PDE7B: variants seen among roughly 807,000 people sequenced by gnomAD.
PDE7B encodes 3',5'-cyclic-AMP phosphodiesterase 7B.
PDE7B carries 29 observed loss-of-function variants against 56.2 expected under a neutral mutation model. The ratio of observed to expected loss-of-function variants is 0.52; its 90% confidence interval spans 0.38 to 0.70. The LOEUF is 0.70. Ranked by LOEUF, PDE7B falls within the 30% of genes least tolerant of loss-of-function variation. The probability of loss-of-function intolerance (pLI) is 0.00; values close to 1 mark genes in which losing one functional copy is unlikely to be tolerated. For missense variants in PDE7B, 490 were observed against 565.0 expected, an observed-to-expected ratio of 0.87 and a Z score of 1.35; for synonymous variants, 197 against 196.9, an observed-to-expected ratio of 1.00 and a Z score of 0.00.
intron 3 of PDE7B, among the ~76,000 whole-genome samples, chr6:136,138,310 A>G (rs1344313452): frequency 2.0e-5 from 3 of 152,136 alleles, no homozygotes; most frequent in African/African-American, 7.2e-5. Context: ...TCAGATCTTT[A>G]TCAATAATTG....
At chr6:136,003,933 C>T (rs1775723076) in intron 2 of PDE7B, among the ~76,000 whole-genome samples, 1 of 152,094 alleles carries the variant, frequency 6.6e-6, no homozygotes, top group African/African-American at 2.4e-5. Flanking sequence ...CCTTGATGAA[C>T]ATTGATGCAA....
At chr6:136,038,004 C>G in intron 2 of PDE7B, 2 of 1,287,538 alleles carry the variant, frequency 1.6e-6, no homozygotes, top group Non-Finnish European at 2.0e-6. Flanking sequence ...GGAAGGAGTA[C>G]AGTAACAGTT....
chr6:136,055,937 A>G (rs1375858895), intron 2 of PDE7B, among the ~76,000 whole-genome samples: 3 of 152,212 alleles, frequency 2.0e-5, no homozygotes, highest in Admixed American at 1.3e-4. Flanking sequence ...CTGCAAGATA[A>G]GGAAGGAGAA....
intron 1 of PDE7B, among the ~76,000 whole-genome samples, chr6:135,935,190 TTATATATATATA>T (rs60829896): frequency 1.4e-4 from 5 of 36,190 alleles, no homozygotes; most frequent in African/African-American, 4.8e-4. Context: ...ATATATTTAT[TTATATATATATA>T]TATATATATA....
At chr6:135,997,115 A>G (rs1583818347) in intron 2 of PDE7B, among the ~76,000 whole-genome samples, 1 of 151,756 alleles carries the variant, frequency 6.6e-6, no homozygotes, top group South Asian at 2.1e-4. Flanking sequence ...TTTATTGACC[A>G]TGTGGTAATT....
At chr6:136,003,477 A>T (rs1337287730) in intron 2 of PDE7B, among the ~76,000 whole-genome samples, 2 of 152,256 alleles carry the variant, frequency 1.3e-5, no homozygotes, top group African/African-American at 2.4e-5. Flanking sequence ...AGAAGAAAAG[A>T]GAAAAGAATC....
At chr6:135,934,371 ATTTTATTTATTTAT>A (rs1241969774) in intron 1 of PDE7B, among the ~76,000 whole-genome samples, 1 of 152,044 alleles carries the variant, frequency 6.6e-6, no homozygotes, top group Non-Finnish European at 1.5e-5. Context: ...TTTAAAACAA[ATTTTATTTATTTAT>A]TTAATTTTGG....
intron 3 of PDE7B, among the ~76,000 whole-genome samples, chr6:136,119,524 G>T (rs897602162): frequency 6.6e-6 from 1 of 152,154 alleles, no homozygotes; most frequent in Non-Finnish European, 1.5e-5. Context: ...TGGAAAATTG[G>T]TTGGAAATTG....
chr6:136,117,677 T>C (rs1777862772), intron 3 of PDE7B, among the ~76,000 whole-genome samples: 1 of 152,178 alleles, frequency 6.6e-6, no homozygotes, highest in African/African-American at 2.4e-5. Flanking sequence ...ATAACAGCTC[T>C]AGTCTGAGAG....
Position 136,162,967 on chromosome 6 carries a change from T to C in PDE7B, c.711+7209T>C, listed in dbSNP as rs549498585. Among the ~76,000 whole-genome samples, 8 of 152,324 alleles carry C rather than the reference T, an allele frequency of 5.3e-5. No homozygotes were observed. In the South Asian group the frequency reaches 1.7e-3, roughly 32 times the overall value. On this transcript the variant is annotated intron_variant, in intron 8 of 12. Coordinates refer to ENST00000308191, the MANE Select transcript of PDE7B (RefSeq NM_018945.4). Reference sequence around the variant, plus strand: ...TGTGGCCTTGCAGGGTACAACCCCCTTCCCAGCTGCTTTCATGGGATGGCA... The same window carrying C: ...TGTGGCCTTGCAGGGTACAACCCCCCTCCCAGCTGCTTTCATGGGATGGCA...
intron 2 of PDE7B, among the ~76,000 whole-genome samples, chr6:136,041,604 C>A (rs572124662): frequency 6.6e-6 from 1 of 152,326 alleles, no homozygotes; most frequent in Non-Finnish European, 1.5e-5. Flanking sequence ...TAGATCTGTG[C>A]ATCTGGGAGT....
intron 2 of PDE7B, among the ~76,000 whole-genome samples, chr6:136,071,721 A>T (rs1282338502): frequency 1.3e-5 from 2 of 152,184 alleles, no homozygotes; most frequent in Non-Finnish European, 2.9e-5. Flanking sequence ...TGAGGCCAAA[A>T]GTTCGAGGCT....
intron 1 of PDE7B, among the ~76,000 whole-genome samples, chr6:135,899,731 A>G (rs1391699064): frequency 6.6e-6 from 1 of 151,976 alleles, no homozygotes; most frequent in Non-Finnish European, 1.5e-5. Flanking sequence ...AATTTTGTTT[A>G]TGGTAGTCTT....
intron 1 of PDE7B, among the ~76,000 whole-genome samples, chr6:135,901,328 A>G (rs1449329773): frequency 1.3e-5 from 2 of 152,142 alleles, no homozygotes; most frequent in African/African-American, 4.8e-5. Context: ...TCTATTCACT[A>G]TTGACTATAG....
intron 3 of PDE7B, among the ~76,000 whole-genome samples, chr6:136,126,122 C>A (rs1778019739): frequency 6.6e-6 from 1 of 152,184 alleles, no homozygotes; most frequent in Non-Finnish European, 1.5e-5. Context: ...CACCCACATG[C>A]AGAATCCCTG....
rs541311430 is a variant in PDE7B at position 136,099,331 on chromosome 6, G to A, written c.83-9400G>A. Among the ~76,000 whole-genome samples, 28 of 152,296 alleles carry A rather than the reference G, an allele frequency of 1.8e-4. No individual in the cohort carries two copies. The South Asian group carries it at 2.1e-3, about 11-fold the overall frequency. On this transcript the variant is annotated intron_variant, in intron 2 of 12. Coordinates refer to ENST00000308191, the MANE Select transcript of PDE7B (RefSeq NM_018945.4). Reference sequence around the variant, plus strand: ...GGGTCAAATGGTATTTCTAGTTCTAGATCCTTGAGGAATCGCCACACTGTC... The same window carrying A: ...GGGTCAAATGGTATTTCTAGTTCTAAATCCTTGAGGAATCGCCACACTGTC...
At chr6:135,957,344 A>T (rs1774815819) in intron 2 of PDE7B, among the ~76,000 whole-genome samples, 1 of 152,194 alleles carries the variant, frequency 6.6e-6, no homozygotes, top group South Asian at 2.1e-4. Context: ...AATGTGGAGC[A>T]GTTTTGAGGA....
intron 1 of PDE7B, among the ~76,000 whole-genome samples, chr6:135,878,133 G>A (rs944109966): frequency 7.2e-5 from 11 of 152,260 alleles, no homozygotes; most frequent in Admixed American, 2.6e-4. Flanking sequence ...ATCATCTGCC[G>A]CAATATCCTG....
intron 12 of PDE7B, among the ~76,000 whole-genome samples, chr6:136,188,416 A>G (rs1225666859): frequency 1.3e-5 from 2 of 152,174 alleles, no homozygotes; most frequent in African/African-American, 2.4e-5. Flanking sequence ...TTGCAAGGGA[A>G]TATCAGCAAC....
Sources: allele counts gnomAD v4.1 joint callset (sites outside exome capture counted in the v4.1 genomes callset), GRCh38; gene constraint gnomAD v4.1.1; transcripts MANE v1.5; gene names NCBI Gene and HGNC (gene_info 2026-07-23, HGNC 2026-07-21).